The following HK1 variants were observed in gnomAD, a reference collection of about 807,000 sequenced individuals.
HK1 encodes hexokinase-1.
Under a neutral mutation model 91.6 loss-of-function variants are expected in HK1, and 28 were observed. The ratio of observed to expected loss-of-function variants is 0.31; its 90% CI spans 0.23 to 0.42. The LOEUF (loss-of-function observed/expected upper bound fraction) is 0.42, where lower values mean the gene tolerates loss of function less well. Ranked by LOEUF, HK1 falls within the 10% of genes least tolerant of loss-of-function variation. HK1 has a pLI of 1.00. For synonymous variants in HK1, 430 were observed against 468.1 expected, an observed-to-expected ratio of 0.92 and a Z score of 1.05; for missense variants, 770 against 1,219.8, an observed-to-expected ratio of 0.63 and a Z score of 5.49.
chr10:69,380,341 TA>T lies in HK1; in HGVS notation c.1265+249del, dbSNP rs1315580779. Among the ~76,000 whole-genome samples the T allele has an allele frequency of 6.6e-6, 1 of 152,108 alleles. No individual in the cohort carries two copies. Among genetic ancestry groups the T allele is most frequent in the Admixed American group, 6.6e-5 (1 of 15,266 alleles). On this transcript the variant is annotated intron_variant, in intron 9 of 17. Transcript: ENST00000359426. The surrounding 1 kb of genome is among the most constrained non-coding windows in gnomAD (Gnocchi z 4.0). ...GAAAAATTGAAAATAAATAAATAGA[TA>T]AATAACATGCTTAGTTCTGGGCATA...
chr10:69,290,251 T>C (rs112768533), intron 3 of HK1, among the ~76,000 whole-genome samples: 8,112 of 152,180 alleles, frequency 0.053, 294 homozygotes, highest in South Asian at 0.13. Flanking sequence ...ATGAAGACTT[T>C]CCCCTGGTCA....
At chr10:69,335,351 C>T (rs1221328422) in intron 1 of HK1, among the ~76,000 whole-genome samples, 4 of 152,184 alleles carry the variant, frequency 2.6e-5, no homozygotes, top group Admixed American at 6.5e-5. Flanking sequence ...TGTTGTGGCT[C>T]TGATCCCAGC....
At chr10:69,375,690 C>T (rs144433393) in intron 7 of HK1, among the ~76,000 whole-genome samples, 1,695 of 152,322 alleles carry the variant, frequency 0.011, 17 homozygotes, top group Middle Eastern at 0.061. Flanking sequence ...GCTGGGCTCC[C>T]GCAGAGGAGC....
chr10:69,392,247 G>A lies in HK1; in HGVS notation c.2158G>A (p.Asp720Asn). Residue 720 changes from aspartate to asparagine, a missense_variant, in exon 15 of 18, where the codon GAT becomes AAT. By Grantham distance (23) the Asp-to-Asn change is conservative. This residue lies in a region of HK1 where 152 missense variants were observed against 211.1 expected (regional missense o/e 0.72). Coordinates refer to ENST00000359426, the MANE Select transcript of HK1 (RefSeq NM_000188.3). ...GAFGDNGCLDDIRTHYDRLVD... is the reference protein window; with the variant it reads ...GAFGDNGCLDNIRTHYDRLVD... Reference sequence around the variant, plus strand: ...CTTTGGGGACAACGGGTGTCTGGATGATATCAGGACACACTACGACAGACT... The same window carrying A: ...CTTTGGGGACAACGGGTGTCTGGATAATATCAGGACACACTACGACAGACT... 2.5e-6 allele frequency: 4 copies of A among 1,614,196 alleles called. No individual in the cohort carries two copies. The highest frequency in any genetic ancestry group is 3.4e-6 in the Non-Finnish European group (4 of 1,180,030).
At chr10:69,393,594 G>C (rs933248055) in intron 15 of HK1, among the ~76,000 whole-genome samples, 9 of 152,262 alleles carry the variant, frequency 5.9e-5, no homozygotes, top group African/African-American at 2.2e-4. Context: ...ACCGTGCCCA[G>C]TGGCCTTTAA....
chr10:69,362,909 A>G (rs1046099456), intron 3 of HK1, among the ~76,000 whole-genome samples: 3 of 152,204 alleles, frequency 2.0e-5, no homozygotes, highest in African/African-American at 4.8e-5. Context: ...CCTGAGTAAT[A>G]GTGACTCAGG....
At chr10:69,278,437 C>T (rs1323671894) in intron 1 of HK1, 2 of 152,190 alleles carry the variant, frequency 1.3e-5, no homozygotes, top group Admixed American at 6.6e-5. Context: ...AATTGGAAAT[C>T]CATCTCTCCT....
chr10:69,318,280 G>C (rs1846764982), upstream of HK1: 2 of 958,538 alleles, frequency 2.1e-6, no homozygotes, highest in Non-Finnish European at 2.5e-6. Flanking sequence ...GCGGGACCCG[G>C]GTGCGAGGAC....
chr10:69,343,790 CT>C, intron 1 of HK1, 36 bp from the exon 2 acceptor site: 4 of 1,571,410 alleles, frequency 2.5e-6, no homozygotes, highest in South Asian at 1.1e-5. Flanking sequence ...TGTCCTCCCC[CT>C]CGACCTCACT....
At chr10:69,298,708 C>A (rs59758454) in intron 4 of HK1, among the ~76,000 whole-genome samples, 2,701 of 151,858 alleles carry the variant, frequency 0.018, 158 homozygotes, top group African/African-American at 0.062. Flanking sequence ...AATTTTCCTA[C>A]CCCTGGTACA....
At chr10:69,318,839 A>G (rs1589474913), upstream of HK1, 1 of 1,364,966 alleles carries the variant, frequency 7.3e-7, no homozygotes, top group South Asian at 1.5e-5. Context: ...GAGCCGGGGG[A>G]GGAGGAGGAG....
At chr10:69,355,716 CG>C (rs1315148209) in intron 2 of HK1, among the ~76,000 whole-genome samples, 1 of 151,908 alleles carries the variant, frequency 6.6e-6, no homozygotes, top group African/African-American at 2.4e-5. Flanking sequence ...TGCCTGAACC[CG>C]GGAGGTGGAG....
At position 69,392,265 on chromosome 10, in the gene HK1, G is replaced by A. The variant is rs1192737302; in HGVS notation, c.2176G>A (p.Asp726Asn). 6.2e-7 allele frequency: 1 copy of A among 1,614,104 alleles called. No homozygotes were observed. Among genetic ancestry groups the A allele is most frequent in the African/African-American group, 1.3e-5 (1 of 74,928 alleles). ...TCTGGATGATATCAGGACACACTACGACAGACTGGTGGACGAATATTCCCT... is the reference window on the plus strand; with the variant it reads ...TCTGGATGATATCAGGACACACTACAACAGACTGGTGGACGAATATTCCCT... ...GCLDDIRTHY[D>N]RLVDEYSLNA... The change falls in exon 15 of 18, where the codon GAC becomes AAC. Residue 726 changes from aspartate to asparagine, a missense_variant. Asp to Asn is a conservative substitution (Grantham distance 23). Coordinates refer to ENST00000359426, the MANE Select transcript of HK1 (RefSeq NM_000188.3).
chr10:69,344,690 C>T (rs1440393727), intron 2 of HK1, among the ~76,000 whole-genome samples: 2 of 152,216 alleles, frequency 1.3e-5, no homozygotes, highest in Non-Finnish European at 2.9e-5. Context: ...GTGGTATCAG[C>T]CCCTGCACCT....
At chr10:69,342,004 AGGGCGTGGTGGC>A (rs940428563) in intron 1 of HK1, among the ~76,000 whole-genome samples, 20 of 151,848 alleles carry the variant, frequency 1.3e-4, no homozygotes, top group African/African-American at 4.8e-4. Context: ...AAAAATTAGC[AGGGCGTGGTGGC>A]GCACGCCTGT....
intron 2 of HK1, among the ~76,000 whole-genome samples, chr10:69,347,133 C>T (rs545368883): frequency 1.3e-5 from 2 of 151,870 alleles, no homozygotes; most frequent in African/African-American, 2.4e-5. Flanking sequence ...CTTAGCACCC[C>T]CTACGTAGCT....
rs1466867430 is a variant in HK1 at position 69,380,399 on chromosome 10, C to T, written c.1265+304C>T. 6.6e-6 allele frequency among the ~76,000 whole-genome samples: 1 copy of T among 152,100 alleles called. No individual in the cohort carries two copies. Among genetic ancestry groups the T allele is most frequent in the African/African-American group, 2.4e-5 (1 of 41,414 alleles). ...GCGTCGCCCCCTTGGGAAGTATCGC[C>T]CTTAGTCGATTCTTGCTGGTATTGC... On this transcript the variant is annotated intron_variant, in intron 9 of 17. Transcript: ENST00000359426. This position sits in a 1 kb window ranked among gnomAD's most constrained non-coding sequence, Gnocchi z 4.0.
intron 10 of HK1, among the ~76,000 whole-genome samples, chr10:69,383,625 C>T (rs967582754): frequency 3.9e-5 from 6 of 152,258 alleles, no homozygotes; most frequent in African/African-American, 1.4e-4. Flanking sequence ...TGACCTCTGC[C>T]GGCCTCATTC....
intron 12 of HK1, 62 bp downstream of exon 12, chr10:69,384,977 G>T: frequency 6.3e-7 from 1 of 1,598,488 alleles, no homozygotes; most frequent in South Asian, 1.1e-5. Context: ...GGCCTGGGTG[G>T]GCTGGCCCTT....
Sources: allele counts gnomAD v4.1 joint callset (sites outside exome capture counted in the v4.1 genomes callset), GRCh38; gene constraint gnomAD v4.1.1; regional missense constraint gnomAD v4.1.1; non-coding constraint Gnocchi (gnomAD v3.1); transcripts MANE v1.5; gene names NCBI Gene and HGNC (gene_info 2026-07-23, HGNC 2026-07-21).